The following CTNNA2 variants were observed in gnomAD, a reference collection of about 807,000 sequenced individuals.
CTNNA2 encodes the protein catenin alpha 2.
CTNNA2 carries 42 observed loss-of-function variants against 101.0 expected under a neutral mutation model. That is an observed-to-expected ratio of 0.42 (90% CI 0.32 to 0.54). The LOEUF is 0.54. Ranked by LOEUF, CTNNA2 falls within the 20% of genes least tolerant of loss-of-function variation. The pLI is 0.14. For synonymous variants in CTNNA2, 450 were observed against 456.4 expected (o/e 0.99, Z 0.18); for missense variants, 871 against 1,223.1 (o/e 0.71, Z 4.29).
chr2:80,203,767 A>T (rs903381965), intron 7 of CTNNA2, among the ~76,000 whole-genome samples: 1 of 151,916 alleles, frequency 6.6e-6, no homozygotes, highest in Non-Finnish European at 1.5e-5. Context: ...CCCAGTAGGG[A>T]CTCTGTGTGG....
At chr2:80,482,621 T>A (rs952429991) in intron 9 of CTNNA2, among the ~76,000 whole-genome samples, 1 of 152,168 alleles carries the variant, frequency 6.6e-6, no homozygotes. Context: ...TCTAGAGAAA[T>A]GGTTGCTAAT....
At chr2:79,245,166 C>T (rs755447848) in intron 2 of CTNNA2, among the ~76,000 whole-genome samples, 15 of 150,928 alleles carry the variant, frequency 9.9e-5, no homozygotes, top group Non-Finnish European at 2.2e-4. Context: ...AGAAATGCAT[C>T]AAGGCCGGAT....
rs971024482 is a variant in CTNNA2, at chr2:80,406,466, C to T, written c.1138-12983C>T. On this transcript the variant is annotated intron_variant, in intron 8 of 18. Coordinates refer to ENST00000402739, the MANE Select transcript of CTNNA2 (RefSeq NM_001282597.3). ...TCTGAGCAGACTTCTTCAGCCCCTC[C>T]TTTGAAATACAAAAGCTTAGATCAA... 7.2e-5 allele frequency among the ~76,000 whole-genome samples: 11 copies of T among 152,224 alleles called. No individual in the cohort carries two copies. The East Asian group carries it at 1.6e-3, about 21-fold the overall frequency.
chr2:79,700,877 A>G (rs1303497621), intron 2 of CTNNA2, among the ~76,000 whole-genome samples: 1 of 152,194 alleles, frequency 6.6e-6, no homozygotes, highest in Non-Finnish European at 1.5e-5. Context: ...AGCATACACT[A>G]CATATTCATA....
intron 7 of CTNNA2, among the ~76,000 whole-genome samples, chr2:79,982,252 G>A (rs1476234195): frequency 0.043 from 2,555 of 59,600 alleles, 203 homozygotes; most frequent in African/African-American, 0.15. Context: ...GTATGTATAT[G>A]TACACACACA....
intron 18 of CTNNA2, among the ~76,000 whole-genome samples, chr2:80,644,658 T>C (rs560682681): frequency 1.3e-5 from 2 of 152,296 alleles, no homozygotes; most frequent in East Asian, 3.9e-4. Flanking sequence ...CCTTTGGAAA[T>C]TCAACTTTTT....
chr2:80,452,823 TATG>T, intron 9 of CTNNA2, among the ~76,000 whole-genome samples: 2 of 147,694 alleles, frequency 1.4e-5, no homozygotes, highest in East Asian at 3.9e-4. Flanking sequence ...ATCCCTGCAG[TATG>T]ATAAGATCTA....
At chr2:80,217,201 A>G (rs1708322502) in intron 7 of CTNNA2, among the ~76,000 whole-genome samples, 1 of 152,184 alleles carries the variant, frequency 6.6e-6, no homozygotes, top group South Asian at 2.1e-4. Flanking sequence ...TAGCTTTTGA[A>G]GCAAACACTA....
intron 3 of CTNNA2, among the ~76,000 whole-genome samples, chr2:79,770,398 T>G (rs1264735817): frequency 6.6e-6 from 1 of 152,196 alleles, no homozygotes; most frequent in African/African-American, 2.4e-5. Context: ...AAGTGCATCA[T>G]TTTTTAGACA....
At chr2:80,069,118 G>A (rs1409853851) in intron 7 of CTNNA2, among the ~76,000 whole-genome samples, 2 of 152,290 alleles carry the variant, frequency 1.3e-5, no homozygotes, top group African/African-American at 2.4e-5. Context: ...TAGCTCCAAT[G>A]TCCAAGGGCA....
intron 9 of CTNNA2, among the ~76,000 whole-genome samples, chr2:80,529,032 G>A (rs755751480): frequency 3.3e-5 from 5 of 152,160 alleles, no homozygotes; most frequent in Admixed American, 6.5e-5. Flanking sequence ...TGGGAAATAC[G>A]AGCAGAGATG....
intron 9 of CTNNA2, among the ~76,000 whole-genome samples, chr2:80,430,414 C>G (rs1188477795): frequency 1.3e-5 from 2 of 152,054 alleles, no homozygotes; most frequent in Non-Finnish European, 2.9e-5. Flanking sequence ...CTCAAGGAAA[C>G]TAAAAGTAGC....
chr2:79,241,652 T>C (rs1004000040), intron 2 of CTNNA2, among the ~76,000 whole-genome samples: 2 of 152,226 alleles, frequency 1.3e-5, no homozygotes, highest in African/African-American at 4.8e-5. Flanking sequence ...GGAAGTAGAT[T>C]TTAATCAAAT....
chr2:79,729,210 C>T lies in CTNNA2; in HGVS notation c.103-15177C>T, dbSNP rs577322773. Among the ~76,000 whole-genome samples the T allele has an allele frequency of 3.3e-5, 5 of 152,234 alleles. No homozygotes were observed. In the South Asian group the frequency reaches 1.0e-3, roughly 32 times the overall value. ...TGGGGCTCAAGTTCAATTATTCTGACCTCATGTCCGGCACCCTTTCCCCTT... is the reference window on the plus strand; with the variant it reads ...TGGGGCTCAAGTTCAATTATTCTGATCTCATGTCCGGCACCCTTTCCCCTT... On this transcript the variant is annotated intron_variant, in intron 2 of 18. Coordinates refer to ENST00000402739, the MANE Select transcript of CTNNA2 (RefSeq NM_001282597.3).
intron 1 of CTNNA2, among the ~76,000 whole-genome samples, chr2:79,623,662 C>A (rs755934214): frequency 1.3e-5 from 2 of 152,040 alleles, no homozygotes; most frequent in African/African-American, 2.4e-5. Flanking sequence ...GACCTGTAAT[C>A]TCAAGTAATT....
chr2:80,087,563 A>C (rs184689382), intron 7 of CTNNA2, among the ~76,000 whole-genome samples: 2 of 152,040 alleles, frequency 1.3e-5, no homozygotes, highest in Admixed American at 6.6e-5. Flanking sequence ...GGGTATAGGG[A>C]AGTTCTCTAG....
intron 9 of CTNNA2, among the ~76,000 whole-genome samples, chr2:80,488,641 A>C (rs551552633): frequency 6.6e-5 from 10 of 152,272 alleles, no homozygotes; most frequent in Non-Finnish European, 1.5e-4. Flanking sequence ...GTTGTTATTC[A>C]GTTTCCATTC....
At chr2:79,226,524 A>G (rs1234790266) in intron 2 of CTNNA2, among the ~76,000 whole-genome samples, 1 of 152,328 alleles carries the variant, frequency 6.6e-6, no homozygotes, top group East Asian at 1.9e-4. Flanking sequence ...TATTAAAAGT[A>G]TCAGATATTC....
chr2:79,414,041 GTTT>G (rs995151454), intron 4 of CTNNA2, among the ~76,000 whole-genome samples: 3 of 149,286 alleles, frequency 2.0e-5, no homozygotes, highest in South Asian at 4.3e-4. Context: ...CAGGCATGCG[GTTT>G]TTTTAGAGTT....
Sources: gnomAD v4.1 joint callset for allele counts (sites outside exome capture counted in the v4.1 genomes callset) on GRCh38, gnomAD v4.1.1 for gene constraint, MANE v1.5 for transcripts, NCBI Gene and HGNC (gene_info 2026-07-23, HGNC 2026-07-21) for gene names.